The following HP1BP3 variants were observed in gnomAD, a reference collection of about 807,000 sequenced individuals.
The protein encoded by HP1BP3 is heterochromatin protein 1 binding protein 3.
In HP1BP3, 12 loss-of-function variants were observed where a neutral mutation model predicts 62.5. The ratio of observed to expected loss-of-function variants is 0.19; its 90% CI spans 0.12 to 0.31. HP1BP3 has a LOEUF of 0.31. Ranked by LOEUF, HP1BP3 falls within the 10% of genes least tolerant of loss-of-function variation. HP1BP3 has a pLI of 1.00. For synonymous variants in HP1BP3, 260 were observed against 237.8 expected, an observed-to-expected ratio of 1.09 and a Z score of -0.86; for missense variants, 502 against 651.8, an observed-to-expected ratio of 0.77 and a Z score of 2.50.
chr1:20,785,845 A>C (rs556283171), intron 1 of HP1BP3, among the ~76,000 whole-genome samples: 71 of 152,360 alleles, frequency 4.7e-4, no homozygotes, highest in African/African-American at 1.6e-3. Context: ...ATGAAAAATC[A>C]AAAAGCTAAC....
chr1:20,748,211 C>T (rs2055463547), intron 10 of HP1BP3, among the ~76,000 whole-genome samples: 1 of 152,122 alleles, frequency 6.6e-6, no homozygotes, highest in African/African-American at 2.4e-5. Flanking sequence ...CTATTGTGTA[C>T]CTATAGGTAT....
Position 20,765,541 on chromosome 1 carries a change from A to T in HP1BP3, c.736-10T>A. ...CTGCAGAGCTCCTATTCTGAAAAGT[A>T]ATTATCAAAAATTATGATCATTATA... is the stretch of plus-strand genomic sequence containing the variant. On this transcript the variant is annotated splice_polypyrimidine_tract_variant and intron_variant, in intron 7 of 12. Transcript: ENST00000438032. The T allele has an allele frequency of 6.2e-7, 1 of 1,600,900 alleles. No homozygotes were observed. Among genetic ancestry groups the T allele is most frequent in the Non-Finnish European group, 8.5e-7 (1 of 1,171,058 alleles).
intron 12 of HP1BP3, 38 bp from the exon 13 acceptor site, chr1:20,745,129 T>C: frequency 1.9e-6 from 3 of 1,552,706 alleles, no homozygotes; most frequent in Non-Finnish European, 2.6e-6. Context: ...CATTTAGTAC[T>C]TAAGAGATTC....
At position 20,748,468 on chromosome 1, in the gene HP1BP3, C is replaced by T. The variant is rs553841941; in HGVS notation, c.1142-813G>A. ...AAACATCTGGCATATAGAAATAGGC[C>T]GGGCGTGGCGGCTCACGCCTGTAAT... On this transcript the variant is annotated intron_variant, in intron 10 of 12. Transcript: ENST00000438032. 4.6e-5 allele frequency among the ~76,000 whole-genome samples: 7 copies of T among 152,330 alleles called. No individual in the cohort carries two copies. The East Asian group carries it at 7.7e-4, about 17-fold the overall frequency.
intron 5 of HP1BP3, 138 bp downstream of exon 5, chr1:20,773,313 T>C: frequency 1.8e-6 from 1 of 551,620 alleles, no homozygotes; most frequent in Non-Finnish European, 2.8e-6. Flanking sequence ...CATGAACTTA[T>C]AATGACTTTC....
chr1:20,771,070 A>G lies in HP1BP3; in HGVS notation c.514T>C (p.Cys172Arg). ...ACTGATGCACCACTCTTCTGGAAGCATGCCTAGAAAAGATTTATTAAACTA... is the reference window on the plus strand; with the variant it reads ...ACTGATGCACCACTCTTCTGGAAGCGTGCCTAGAAAAGATTTATTAAACTA... ...DAILTEAIKA[C>R]FQKSGASVVA... Residue 172 changes from cysteine to arginine, a missense_variant, in exon 6 of 13, where the codon TGC becomes CGC. Cys to Arg is a radical substitution (Grantham distance 180). Transcript: ENST00000438032. The G allele has an allele frequency of 4.4e-6, 7 of 1,595,202 alleles. No individual in the cohort carries two copies. Among genetic ancestry groups the G allele is most frequent in the Non-Finnish European group, 6.0e-6 (7 of 1,173,882 alleles).
At chr1:20,749,402 G>A (rs981177506) in intron 10 of HP1BP3, among the ~76,000 whole-genome samples, 4 of 145,374 alleles carry the variant, frequency 2.8e-5, no homozygotes, top group African/African-American at 1.0e-4. Context: ...ACTATTGTCC[G>A]GATTGGAGTA....
At chr1:20,764,202 GCTTT>G (rs1427022120) in intron 8 of HP1BP3, among the ~76,000 whole-genome samples, 1 of 151,834 alleles carries the variant, frequency 6.6e-6, no homozygotes, top group Non-Finnish European at 1.5e-5. Context: ...CAACCCTGAA[GCTTT>G]CTATCCTTTT....
At chr1:20,781,371 C>T (rs1435260486) in intron 1 of HP1BP3, among the ~76,000 whole-genome samples, 1 of 152,132 alleles carries the variant, frequency 6.6e-6, no homozygotes, top group African/African-American at 2.4e-5. Flanking sequence ...AAGGTCTAAC[C>T]TTGTCTAAGA....
At chr1:20,764,092 A>G (rs189788492) in intron 8 of HP1BP3, among the ~76,000 whole-genome samples, 9 of 152,276 alleles carry the variant, frequency 5.9e-5, no homozygotes, top group African/African-American at 1.7e-4. Flanking sequence ...CCCAACACAT[A>G]TAATTTCATT....
chr1:20,779,057 T>A (rs2057427698), intron 3 of HP1BP3, among the ~76,000 whole-genome samples: 1 of 152,184 alleles, frequency 6.6e-6, no homozygotes, highest in South Asian at 2.1e-4. Flanking sequence ...CCCAAAGTGC[T>A]GGGATTACAG....
rs2055069786 is a variant in HP1BP3 at position 20,741,002 on chromosome 1, G to T, written c.*3795C>A. ...TCCTTGGCTTTGGCTCTGCAGAAGTGAGTGACCATCTGTTCCACCATGAAA... is the reference window on the plus strand; with the variant it reads ...TCCTTGGCTTTGGCTCTGCAGAAGTTAGTGACCATCTGTTCCACCATGAAA... On this transcript the variant is annotated 3_prime_UTR_variant, in exon 13 of 13. Transcript: ENST00000438032. Among the ~76,000 whole-genome samples, 1 of 152,190 alleles carries T rather than the reference G, an allele frequency of 6.6e-6. No individual in the cohort carries two copies. Among genetic ancestry groups the T allele is most frequent in the Non-Finnish European group, 1.5e-5 (1 of 68,036 alleles).
Position 20,743,757 on chromosome 1 carries a change from T to C in HP1BP3, c.*1040A>G, listed in dbSNP as rs995100259. ...TCACAAATCAATATATTTCTACACT[T>C]CCCCTTCAGTCAAAAACCAAGTGGG... On this transcript the variant is annotated 3_prime_UTR_variant, in exon 13 of 13. Coordinates refer to ENST00000438032, the MANE Select transcript of HP1BP3 (RefSeq NM_001372052.1). The C allele has an allele frequency of 9.2e-5, 14 of 151,808 alleles. No individual in the cohort carries two copies. Among genetic ancestry groups the C allele is most frequent in the African/African-American group, 3.4e-4 (14 of 41,328 alleles). The allele number at this position is 151,808 out of a possible 1,614,324, so 9.4% of individuals were successfully genotyped here. A position where few individuals can be genotyped will look rare whatever the true frequency, so the allele number is the denominator to read the frequency against.
chr1:20,767,934 A>G (rs187437771), intron 6 of HP1BP3, among the ~76,000 whole-genome samples: 650 of 152,322 alleles, frequency 4.3e-3, no homozygotes, highest in Non-Finnish European at 6.7e-3. Context: ...TGCTACTGTG[A>G]TACCACGTTA....
At chr1:20,750,660 T>C (rs897983867) in intron 9 of HP1BP3, among the ~76,000 whole-genome samples, 4 of 152,048 alleles carry the variant, frequency 2.6e-5, no homozygotes, top group Admixed American at 2.0e-4. Flanking sequence ...GCTGGTCCAC[T>C]TATATGTGGA....
intron 5 of HP1BP3, among the ~76,000 whole-genome samples, chr1:20,771,520 T>C (rs1557664554): frequency 1.3e-5 from 2 of 152,172 alleles, no homozygotes; most frequent in South Asian, 4.1e-4. Context: ...GAAAGAAGAA[T>C]CAAAGATAAT....
chr1:20,780,610 T>A (rs2057499481), intron 1 of HP1BP3, 70 bp from the exon 2 acceptor site: 6 of 586,698 alleles, frequency 1.0e-5, no homozygotes, highest in South Asian at 2.2e-5. Context: ...CTAAATTTAA[T>A]ACACATCCAA....
intron 9 of HP1BP3, among the ~76,000 whole-genome samples, chr1:20,753,223 T>C (rs1485070244): frequency 6.6e-6 from 1 of 152,174 alleles, no homozygotes; most frequent in Non-Finnish European, 1.5e-5. Context: ...ATTACAGGCA[T>C]GAGCCACCGC....
intron 8 of HP1BP3, among the ~76,000 whole-genome samples, chr1:20,758,873 G>A (rs189894416): frequency 2.7e-5 from 4 of 148,266 alleles, no homozygotes; most frequent in Admixed American, 1.3e-4. Context: ...GCCTGGTCTC[G>A]AACTTGTAGG....
Sources: allele counts gnomAD v4.1 joint callset (sites outside exome capture counted in the v4.1 genomes callset), GRCh38; gene constraint gnomAD v4.1.1; transcripts MANE v1.5; gene names NCBI Gene and HGNC (gene_info 2026-07-23, HGNC 2026-07-21).